PCDHA4: variants seen among roughly 807,000 people sequenced by gnomAD.
PCDHA4 encodes the protein protocadherin alpha-4.
PCDHA4 carries 49 observed loss-of-function variants against 61.4 expected under a neutral mutation model. That is an observed-to-expected ratio of 0.80 (90% CI 0.63 to 1.01). The LOEUF is 1.01. PCDHA4 is among the 50% of genes least tolerant of loss of function. PCDHA4 has a pLI of 0.00. For missense variants in PCDHA4, 1,254 were observed against 1,235.8 expected (o/e 1.01, Z -0.22); for synonymous variants, 590 against 550.3 (o/e 1.07, Z -1.01).
intron 1 of PCDHA4, chr5:140,823,698 A>G: frequency 6.2e-7 from 1 of 1,613,892 alleles, no homozygotes; most frequent in Non-Finnish European, 8.5e-7. Flanking sequence ...AGACCGAAGC[A>G]CCGCGCCACC....
chr5:140,819,833 A>G (rs1766634676), intron 1 of PCDHA4, among the ~76,000 whole-genome samples: 1 of 152,046 alleles, frequency 6.6e-6, no homozygotes, highest in South Asian at 2.1e-4. Flanking sequence ...GATATTGTTG[A>G]TGACTTTTTC....
At chr5:140,929,353 C>T in intron 1 of PCDHA4, 1 of 1,527,090 alleles carries the variant, frequency 6.5e-7, no homozygotes, top group Non-Finnish European at 8.8e-7. Context: ...AATTTGATTC[C>T]TTTGGCCCGG....
intron 1 of PCDHA4, among the ~76,000 whole-genome samples, chr5:140,965,456 G>A (rs2095902676): frequency 6.6e-6 from 1 of 151,710 alleles, no homozygotes; most frequent in Admixed American, 6.6e-5. Context: ...GTTATTGTAA[G>A]ATAAATCCCA....
In PCDHA4 at chr5:140,859,591, T is replaced by C. The variant is rs540429741; in HGVS notation, c.2385+50019T>C. On this transcript the variant is annotated intron_variant, in intron 1 of 3. Transcript: ENST00000530339. Reference sequence around the variant, plus strand: ...AATTTGTCATCTTGCCTATGGCTCTTAGCAATTACTTTTTTCTTTCCTTTC... The same window carrying C: ...AATTTGTCATCTTGCCTATGGCTCTCAGCAATTACTTTTTTCTTTCCTTTC... 5 of 165,482 alleles carry C rather than the reference T, an allele frequency of 3.0e-5. No homozygotes were observed. The East Asian group carries it at 9.4e-4, about 31-fold the overall frequency. 10.3% of individuals were successfully genotyped at this position (165,482 alleles called of 1,614,324 possible). A position where few individuals can be genotyped will look rare whatever the true frequency, so the allele number is the denominator to read the frequency against.
chr5:140,842,009 G>A, intron 1 of PCDHA4: 3 of 1,613,748 alleles, frequency 1.9e-6, no homozygotes, highest in Non-Finnish European at 2.5e-6. Flanking sequence ...TCAGCTGCTG[G>A]TCACAGTGCT....
At chr5:140,993,345 C>T (rs557836440) in intron 3 of PCDHA4, among the ~76,000 whole-genome samples, 25 of 152,064 alleles carry the variant, frequency 1.6e-4, no homozygotes, top group African/African-American at 4.3e-4. Context: ...AAGGGCACTA[C>T]GAAGATCCTC....
intron 1 of PCDHA4, among the ~76,000 whole-genome samples, chr5:140,938,842 G>T (rs2092225940): frequency 1.3e-5 from 2 of 151,980 alleles, no homozygotes; most frequent in African/African-American, 4.8e-5. Context: ...TAACAAACCT[G>T]CCCATGTACC....
intron 1 of PCDHA4, among the ~76,000 whole-genome samples, chr5:140,974,875 A>G (rs934874769): frequency 1.6e-4 from 24 of 152,174 alleles, no homozygotes; most frequent in Non-Finnish European, 1.9e-4. Context: ...GGAACAGTCT[A>G]TGTATCCCTT....
At chr5:140,857,736 C>T in intron 1 of PCDHA4, 2 of 1,597,364 alleles carry the variant, frequency 1.3e-6, no homozygotes, top group African/African-American at 1.3e-5. Flanking sequence ...AACGCTCCCG[C>T]GCTGCTGGCG....
intron 1 of PCDHA4, chr5:140,882,727 A>G (rs1554175345): frequency 6.2e-7 from 1 of 1,614,250 alleles, no homozygotes. Context: ...CTCGATTTCC[A>G]CTAGATGGCG....
intron 1 of PCDHA4, among the ~76,000 whole-genome samples, chr5:140,975,492 A>G (rs2153807380): frequency 6.6e-6 from 1 of 152,332 alleles, no homozygotes; most frequent in South Asian, 2.1e-4. Flanking sequence ...ATCAATGTTC[A>G]TAAAATAGCA....
chr5:140,840,028 C>T (rs1159245345), intron 1 of PCDHA4, among the ~76,000 whole-genome samples: 2 of 151,974 alleles, frequency 1.3e-5, no homozygotes, highest in Non-Finnish European at 2.9e-5. Context: ...GGTCACGTAG[C>T]GTATCTCCCA....
At chr5:140,900,373 G>T (rs1225159327) in intron 1 of PCDHA4, among the ~76,000 whole-genome samples, 2 of 152,118 alleles carry the variant, frequency 1.3e-5, no homozygotes, top group Non-Finnish European at 2.9e-5. Flanking sequence ...TGCCTCCTGG[G>T]TTCAAGCGAT....
rs2150256971 is a variant in PCDHA4, at chr5:140,836,289, G to A, written c.2385+26717G>A. 8.7e-6 allele frequency: 14 copies of A among 1,613,792 alleles called. No homozygotes were observed. The South Asian group carries it at 1.5e-4, about 18-fold the overall frequency. Reference sequence around the variant, plus strand: ...CACTGGTGAGATCAGCACGACACGAGCCCTAGATGAGACGGACGCACCGCG... The same window carrying A: ...CACTGGTGAGATCAGCACGACACGAACCCTAGATGAGACGGACGCACCGCG... On this transcript the variant is annotated intron_variant, in intron 1 of 3. Coordinates refer to ENST00000530339, the MANE Select transcript of PCDHA4 (RefSeq NM_018907.4).
chr5:140,817,277 G>A (rs146326021), intron 1 of PCDHA4: 61 of 152,396 alleles, frequency 4.0e-4, no homozygotes, highest in African/African-American at 1.4e-3. Context: ...ATGGAACTGT[G>A]CTGCTGGATG....
intron 1 of PCDHA4, chr5:140,876,457 T>C: frequency 6.2e-7 from 1 of 1,614,008 alleles, no homozygotes; most frequent in Non-Finnish European, 8.5e-7. Flanking sequence ...AGGGATTCCT[T>C]CCATGGCAGG....
intron 1 of PCDHA4, chr5:140,884,726 T>A: frequency 6.9e-7 from 1 of 1,455,756 alleles, no homozygotes; most frequent in Non-Finnish European, 9.1e-7. Flanking sequence ...GTTGTTTGTT[T>A]AAGACATCTT....
rs139629080 is a variant in PCDHA4, at chr5:140,828,492, C to G, written c.2385+18920C>G. ...ATTAACGACAACCCGCCCTTGTTCC[C>G]GGTAGAGGAACAAAGAGTGCTGATT... On this transcript the variant is annotated intron_variant, in intron 1 of 3. Coordinates refer to ENST00000530339, the MANE Select transcript of PCDHA4 (RefSeq NM_018907.4). 3.7e-6 allele frequency: 6 copies of G among 1,614,162 alleles called. No homozygotes were observed. The highest frequency in any genetic ancestry group is 4.5e-5 in the East Asian group (2 of 44,888).
chr5:140,927,322 A>T (rs782465180), intron 1 of PCDHA4: 1 of 1,613,780 alleles, frequency 6.2e-7, no homozygotes, highest in Non-Finnish European at 8.5e-7. Flanking sequence ...AGCCCGCTTT[A>T]CTCTCCCGAA....
Sources: allele counts gnomAD v4.1 joint callset (sites outside exome capture counted in the v4.1 genomes callset), GRCh38; gene constraint gnomAD v4.1.1; transcripts MANE v1.5; gene names NCBI Gene and HGNC (gene_info 2026-07-23, HGNC 2026-07-21).